Variants in BRD4 observed in about 807,000 individuals in gnomAD.
BRD4 encodes the protein bromodomain-containing protein 4.
BRD4 carries 16 observed loss-of-function variants against 142.1 expected under a neutral mutation model. The observed-to-expected ratio is 0.11, with a 90% CI of 0.08 to 0.17. The LOEUF is 0.17. BRD4 is among the 10% of genes least tolerant of loss of function. BRD4 has a pLI of 1.00. For synonymous variants in BRD4, 833 were observed against 707.5 expected (o/e 1.18, Z -2.82); for missense variants, 1,424 against 1,810.9 (o/e 0.79, Z 3.88).
At chr19:15,241,585 G>A (rs1167650699) in intron 14 of BRD4, among the ~76,000 whole-genome samples, 6 of 152,240 alleles carry the variant, frequency 3.9e-5, no homozygotes, top group Admixed American at 1.3e-4. Flanking sequence ...GCTGGCTGGA[G>A]AAGACCTGCC....
intron 11 of BRD4, chr19:15,253,359 G>C (rs763454900): frequency 5.6e-5 from 34 of 603,518 alleles, no homozygotes; most frequent in Admixed American, 1.8e-4. Flanking sequence ...GAGGAGAGCA[G>C]TCCCCTCTCC....
intron 7 of BRD4, among the ~76,000 whole-genome samples, chr19:15,262,230 C>T (rs994036615): frequency 3.3e-5 from 5 of 152,166 alleles, no homozygotes; most frequent in African/African-American, 1.2e-4. Context: ...CTTTCCAAGT[C>T]CTCACTTCTG....
intron 1 of BRD4, among the ~76,000 whole-genome samples, chr19:15,305,768 T>A (rs1435566066): frequency 6.6e-6 from 1 of 152,252 alleles, no homozygotes; most frequent in Non-Finnish European, 1.5e-5. Context: ...GTATTGATTT[T>A]TCTACAGCTA....
Position 15,242,891 on chromosome 19 carries a change from A to G in BRD4, c.3169+9T>C. 3 of 1,601,526 alleles carry G rather than the reference A, an allele frequency of 1.9e-6. No individual in the cohort carries two copies. The highest frequency in any genetic ancestry group is 2.6e-6 in the Non-Finnish European group (3 of 1,174,818). ...GCCTCCCCAGAGTCTACGGGTGAGGACCACTTACCGGTTGAGTAGGGGTCC... is the reference window on the plus strand; with the variant it reads ...GCCTCCCCAGAGTCTACGGGTGAGGGCCACTTACCGGTTGAGTAGGGGTCC... On this transcript the variant is annotated intron_variant, in intron 14 of 19. Coordinates refer to ENST00000679869, the MANE Select transcript of BRD4 (RefSeq NM_001379291.1).
At chr19:15,315,780 C>T (rs978103536) in intron 1 of BRD4, among the ~76,000 whole-genome samples, 19 of 151,164 alleles carry the variant, frequency 1.3e-4, no homozygotes, top group South Asian at 1.1e-3. Context: ...CACTTGAACC[C>T]GGGAGGTGGA....
intron 8 of BRD4, among the ~76,000 whole-genome samples, chr19:15,256,541 C>T (rs150294126): frequency 2.8e-4 from 43 of 152,332 alleles, no homozygotes; most frequent in African/African-American, 1.0e-3. Context: ...CCAAGTCTCA[C>T]GGCCATCCTG....
At chr19:15,280,285 C>A in intron 1 of BRD4, 1 of 1,009,476 alleles carries the variant, frequency 9.9e-7, no homozygotes, top group Non-Finnish European at 1.2e-6. Flanking sequence ...GCAACACCCA[C>A]AAGGGGCAGA....
chr19:15,323,890 G>C (rs891717868), intron 1 of BRD4, among the ~76,000 whole-genome samples: 3 of 152,180 alleles, frequency 2.0e-5, no homozygotes, highest in African/African-American at 7.2e-5. Flanking sequence ...TTTCTCAACA[G>C]TCCCAGGCAT....
intron 1 of BRD4, among the ~76,000 whole-genome samples, chr19:15,327,663 A>G (rs1215989100): frequency 6.6e-6 from 1 of 152,230 alleles, no homozygotes; most frequent in Non-Finnish European, 1.5e-5. Flanking sequence ...AACAAAATGT[A>G]GCATAGCCAT....
intron 10 of BRD4, among the ~76,000 whole-genome samples, chr19:15,254,519 G>A (rs887051376): frequency 1.3e-5 from 2 of 152,218 alleles, no homozygotes; most frequent in Non-Finnish European, 2.9e-5. Flanking sequence ...GGTTTATCAA[G>A]GATTCAAGAG....
chr19:15,263,573 T>C (rs1334101531), intron 6 of BRD4, 25 bp from the exon 7 acceptor site: 2 of 1,612,858 alleles, frequency 1.2e-6, no homozygotes, highest in African/African-American at 1.3e-5. Flanking sequence ...AAGTCCCTGT[T>C]AGCTGTGTCT....
chr19:15,249,311 A>G, intron 11 of BRD4: 1 of 1,613,942 alleles, frequency 6.2e-7, no homozygotes, highest in Non-Finnish European at 8.5e-7. Context: ...GGAGAGAGAA[A>G]CCAGTGTGAG....
Position 15,239,485 on chromosome 19 carries a change from C to G in BRD4, c.3483G>C (p.Val1161=), listed in dbSNP as rs779641046. 6.2e-7 allele frequency: 1 copy of G among 1,614,032 alleles called. No individual in the cohort carries two copies. Among genetic ancestry groups the G allele is most frequent in the Non-Finnish European group, 8.5e-7 (1 of 1,179,990 alleles). The change falls in exon 17 of 20, where the codon GTG becomes GTC. Residue 1161 remains valine (V), a synonymous_variant. Transcript: ENST00000679869. This position sits in a 1 kb window ranked among gnomAD's most constrained non-coding sequence, Gnocchi z 7.4. The stretch of plus-strand genomic sequence containing the variant: ...GTGCGTTCTGCTCTGGGGGCCGGAT[C>G]ACAGGCCTCCCGACATCCACAGGCT... ...EMKPVDVGRP[V]IRPPEQNAPP...
chr19:15,263,970 A>G (rs1475296471), intron 6 of BRD4: 4 of 223,054 alleles, frequency 1.8e-5, no homozygotes, highest in Non-Finnish European at 3.5e-5. Context: ...TAAAACTAAA[A>G]AAGCCTCAAA....
At chr19:15,279,735 T>G (rs957559818) in intron 1 of BRD4, among the ~76,000 whole-genome samples, 1 of 152,148 alleles carries the variant, frequency 6.6e-6, no homozygotes, top group Non-Finnish European at 1.5e-5. Context: ...GGAGATTCAG[T>G]TCCCAGTTCC....
intron 1 of BRD4, among the ~76,000 whole-genome samples, chr19:15,310,747 G>A (rs578137522): frequency 2.0e-5 from 3 of 151,122 alleles, no homozygotes; most frequent in Admixed American, 6.6e-5. Flanking sequence ...CACCTGCCTC[G>A]GCCTCCCAAA....
chr19:15,243,859 G>A (rs919160577), intron 13 of BRD4, among the ~76,000 whole-genome samples: 1 of 152,170 alleles, frequency 6.6e-6, no homozygotes, highest in Non-Finnish European at 1.5e-5. Flanking sequence ...TCCATGGGAG[G>A]AATCCCATCT....
intron 14 of BRD4, among the ~76,000 whole-genome samples, chr19:15,242,686 T>A (rs759393559): frequency 8.5e-5 from 13 of 152,068 alleles, no homozygotes; most frequent in Non-Finnish European, 1.6e-4. Flanking sequence ...AGAGGGGCCT[T>A]ATTCTGAGTG....
chr19:15,308,585 T>TAA (rs894226842), intron 1 of BRD4, among the ~76,000 whole-genome samples: 3 of 119,418 alleles, frequency 2.5e-5, no homozygotes, highest in East Asian at 2.4e-4. Context: ...AGAGTCTACC[T>TAA]AAAAAAAAAA....
Sources: gnomAD v4.1 joint callset for allele counts (sites outside exome capture counted in the v4.1 genomes callset) on GRCh38, gnomAD v4.1.1 for gene constraint, Gnocchi (gnomAD v3.1) non-coding constraint, MANE v1.5 for transcripts, NCBI Gene and HGNC (gene_info 2026-07-23, HGNC 2026-07-21) for gene names.